Variants in ATXN7 observed in about 807,000 individuals in gnomAD.
ATXN7 encodes the protein ataxin 7, also known as ataxin-7.
Under a neutral mutation model 70.5 loss-of-function variants are expected in ATXN7, and 12 were observed. The observed-to-expected ratio is 0.17, with a 90% CI of 0.11 to 0.28. The LOEUF (loss-of-function observed/expected upper bound fraction) is 0.28. Among genes scored for constraint, ATXN7 ranks in the 10% least tolerant of loss-of-function variants. The probability of loss-of-function intolerance (pLI) is 1.00; values close to 1 mark genes in which losing one functional copy is unlikely to be tolerated. For missense variants in ATXN7, 1,256 were observed against 1,131.7 expected (o/e 1.11, Z -1.58); for synonymous variants, 498 against 448.7 (o/e 1.11, Z -1.39).
intron 12 of ATXN7, chr3:63,997,794 T>C: frequency 6.7e-7 from 1 of 1,489,984 alleles, no homozygotes; most frequent in Middle Eastern, 1.8e-4. Flanking sequence ...AGTTTCTTAG[T>C]ATTTTCGTAG....
chr3:63,978,954 T>C (rs1328512224), intron 5 of ATXN7, among the ~76,000 whole-genome samples: 1 of 152,248 alleles, frequency 6.6e-6, no homozygotes, highest in Non-Finnish European at 1.5e-5. Flanking sequence ...TAAGGCAGTG[T>C]TGGATCACAT....
chr3:63,888,282 T>C (rs527297047), intron 1 of ATXN7, among the ~76,000 whole-genome samples: 43 of 152,340 alleles, frequency 2.8e-4, no homozygotes, highest in African/African-American at 1.0e-3. Context: ...ATTATAAATT[T>C]ATAGGAATTT....
chr3:63,911,234 G>C (rs373638212), intron 2 of ATXN7, among the ~76,000 whole-genome samples: 2 of 152,032 alleles, frequency 1.3e-5, no homozygotes, highest in South Asian at 4.1e-4. Flanking sequence ...AACAATTATT[G>C]AAAGTGGTGT....
At chr3:63,973,503 A>G (rs373758555) in intron 5 of ATXN7, among the ~76,000 whole-genome samples, 15 of 152,052 alleles carry the variant, frequency 9.9e-5, no homozygotes, top group African/African-American at 3.6e-4. Context: ...GTCACAGTTC[A>G]CTCTTCAAAC....
At chr3:63,949,247 A>C (rs1029147559) in intron 4 of ATXN7, among the ~76,000 whole-genome samples, 3 of 151,066 alleles carry the variant, frequency 2.0e-5, no homozygotes, top group Non-Finnish European at 4.4e-5. Flanking sequence ...GAAAAAGAAT[A>C]TAGAATTCCT....
chr3:63,985,451 CTT>C (rs2075560618), intron 8 of ATXN7, among the ~76,000 whole-genome samples: 2 of 152,186 alleles, frequency 1.3e-5, no homozygotes, highest in Admixed American at 1.3e-4. Context: ...TACAGGATGA[CTT>C]GACTTTTTTT....
At position 63,999,698 on chromosome 3, in the gene ATXN7, C is replaced by G. The variant is rs952731553; in HGVS notation, c.*231C>G. 9 of 734,118 alleles carry G rather than the reference C, an allele frequency of 1.2e-5. No individual in the cohort carries two copies. Among genetic ancestry groups the G allele is most frequent in the Non-Finnish European group, 1.8e-5 (8 of 433,116 alleles). 45.5% of individuals were successfully genotyped at this position (734,118 alleles called of 1,614,324 possible). A position where few individuals can be genotyped will look rare whatever the true frequency, so the allele number is the denominator to read the frequency against. On this transcript the variant is annotated 3_prime_UTR_variant, in exon 13 of 13. Coordinates refer to ENST00000674280, the MANE Select transcript of ATXN7 (RefSeq NM_001377405.1). ...TGGATCAAGTTCAGCCACCGAATTG[C>G]TTTTATCAGTGTTAAAGTGGTCTGA... is the stretch of plus-strand genomic sequence containing the variant.
chr3:63,933,392 T>C (rs926547609), intron 4 of ATXN7, among the ~76,000 whole-genome samples: 3 of 152,336 alleles, frequency 2.0e-5, no homozygotes, highest in East Asian at 1.9e-4. Context: ...GAAGAATTAA[T>C]TGTAGGCTTC....
In ATXN7 at chr3:63,912,683, C is replaced by G. The variant is rs1376485291; in HGVS notation, c.85C>G (p.Arg29Gly). Residue 29 changes from arginine (R) to glycine (G), a missense_variant, in exon 3 of 13, where the codon CGG becomes GGG. Coordinates refer to ENST00000674280, the MANE Select transcript of ATXN7 (RefSeq NM_001377405.1). ...AAGGAAAAAA[R>G]QQQQQQQQQQ... The stretch of plus-strand genomic sequence containing the variant: ...GGGCGGAGCAGCGGCCGCGGCCGCC[C>G]GGCAGCAGCAGCAGCAGCAGCAGCA... The G allele has an allele frequency of 3.6e-6, 4 of 1,102,500 alleles. No individual in the cohort carries two copies. Among genetic ancestry groups the G allele is most frequent in the Non-Finnish European group, 3.3e-6 (3 of 903,592 alleles). 68.3% of individuals were successfully genotyped at this position (1,102,500 alleles called of 1,614,324 possible).
chr3:63,918,176 AAAACAAACAAAC>A (rs141763850), intron 4 of ATXN7, among the ~76,000 whole-genome samples: 1 of 151,986 alleles, frequency 6.6e-6, no homozygotes, highest in Admixed American at 6.6e-5. Context: ...ACTAGAGTTC[AAAACAAACAAAC>A]AAACAAACAA....
intron 5 of ATXN7, among the ~76,000 whole-genome samples, chr3:63,970,747 C>T (rs2075297797): frequency 6.6e-6 from 1 of 152,190 alleles, no homozygotes; most frequent in Non-Finnish European, 1.5e-5. Flanking sequence ...GTCCCTTCCC[C>T]CACTGGAGTG....
At chr3:63,968,209 G>A (rs1048450336) in intron 5 of ATXN7, among the ~76,000 whole-genome samples, 8 of 152,246 alleles carry the variant, frequency 5.3e-5, no homozygotes, top group African/African-American at 1.2e-4. Context: ...GGGGATCAGC[G>A]TGGGTAATCG....
At chr3:63,965,544 C>G (rs944596456) in intron 5 of ATXN7, among the ~76,000 whole-genome samples, 1 of 152,104 alleles carries the variant, frequency 6.6e-6, no homozygotes, top group Admixed American at 6.5e-5. Flanking sequence ...CAGTGAGGCA[C>G]GGATGTTATT....
intron 1 of ATXN7, among the ~76,000 whole-genome samples, chr3:63,893,699 G>T (rs897228917): frequency 2.0e-5 from 3 of 152,276 alleles, no homozygotes; most frequent in African/African-American, 7.2e-5. Flanking sequence ...CCTCACAATT[G>T]GCCTTGGCTC....
At chr3:63,959,390 A>G (rs1430750198) in intron 5 of ATXN7, among the ~76,000 whole-genome samples, 2 of 152,246 alleles carry the variant, frequency 1.3e-5, no homozygotes, top group East Asian at 3.8e-4. Flanking sequence ...AGGCACATGA[A>G]AACATGAATG....
At chr3:63,899,730 C>T (rs922298194) in intron 2 of ATXN7, among the ~76,000 whole-genome samples, 2 of 152,160 alleles carry the variant, frequency 1.3e-5, no homozygotes, top group Non-Finnish European at 2.9e-5. Context: ...TCTGCCGCCT[C>T]AGCCTCCCGA....
chr3:63,960,696 T>G (rs1452436333), intron 5 of ATXN7, among the ~76,000 whole-genome samples: 1 of 152,176 alleles, frequency 6.6e-6, no homozygotes, highest in Non-Finnish European at 1.5e-5. Flanking sequence ...AGCTTATGGA[T>G]CAGGAGGTTG....
At position 63,952,448 on chromosome 3, in the gene ATXN7, A is replaced by G. The variant is rs750395144; in HGVS notation, c.464A>G (p.Gln155Arg). The G allele has an allele frequency of 6.2e-7, 1 of 1,612,304 alleles. No homozygotes were observed. Among genetic ancestry groups the G allele is most frequent in the South Asian group, 1.1e-5 (1 of 90,802 alleles). ...TTGGTGGTGTGTAACGACTGTAATC[A>G]GGTTGTCAAACCGCAGGCATTTCAA... is the stretch of plus-strand genomic sequence containing the variant. ...FYLVVCNDCN[Q>R]VVKPQAFQSH... Residue 155 changes from glutamine to arginine, a missense_variant, in exon 5 of 13, where the codon CAG becomes CGG. Physicochemically the swap from Gln to Arg is conservative, Grantham distance 43. Transcript: ENST00000674280.
At chr3:63,899,678 A>AG (rs1703558900) in intron 2 of ATXN7, among the ~76,000 whole-genome samples, 2 of 151,670 alleles carry the variant, frequency 1.3e-5, no homozygotes, top group African/African-American at 4.8e-5. Context: ...CAGTGGCGCC[A>AG]TCTCGGCTCA....
Sources: gnomAD v4.1 joint callset for allele counts (sites outside exome capture counted in the v4.1 genomes callset) on GRCh38, gnomAD v4.1.1 for gene constraint, MANE v1.5 for transcripts, NCBI Gene and HGNC (gene_info 2026-07-23, HGNC 2026-07-21) for gene names.